Variants in SPAG1 observed in about 807,000 individuals in gnomAD.
The protein encoded by SPAG1 is sperm associated antigen 1, also known as sperm-associated antigen 1.
In SPAG1, 69 loss-of-function variants were observed where a neutral mutation model predicts 100.5. The observed-to-expected ratio is 0.69, with a 90% CI of 0.57 to 0.84. The LOEUF (loss-of-function observed/expected upper bound fraction) is 0.84. SPAG1 is among the 40% of genes least tolerant of loss of function. The probability of loss-of-function intolerance (pLI) is 0.00; values close to 1 mark genes in which losing one functional copy is unlikely to be tolerated. For missense variants in SPAG1, 955 were observed against 1,133.1 expected (o/e 0.84, Z 2.26); for synonymous variants, 336 against 411.6 (o/e 0.82, Z 2.22).
chr8:100,241,102 A>G lies in SPAG1; in HGVS notation c.*80A>G. 1.3e-6 allele frequency: 2 copies of G among 1,494,192 alleles called. No individual in the cohort carries two copies. Among genetic ancestry groups the G allele is most frequent in the Non-Finnish European group, 1.8e-6 (2 of 1,102,644 alleles). The allele number at this position is 1,494,192 out of a possible 1,614,324, so 92.6% of individuals were successfully genotyped here. A position where few individuals can be genotyped will look rare whatever the true frequency, so the allele number is the denominator to read the frequency against. On this transcript the variant is annotated 3_prime_UTR_variant, in exon 19 of 19. Coordinates refer to ENST00000388798, the MANE Select transcript of SPAG1 (RefSeq NM_003114.5). The surrounding 1 kb of genome is among the most constrained non-coding windows in gnomAD (Gnocchi z 5.1). ...TGAGATGGTATTGTAAAAGAGTTGC[A>G]TGGATAAAACTTGGCCTAGAAAAGT...
intron 4 of SPAG1, among the ~76,000 whole-genome samples, chr8:100,178,260 A>G (rs1816216442): frequency 6.6e-6 from 1 of 151,252 alleles, no homozygotes; most frequent in South Asian, 2.1e-4. Context: ...GGTCTGATTC[A>G]GTGTGTGAAA....
chr8:100,193,499 A>T (rs185411325), intron 9 of SPAG1, among the ~76,000 whole-genome samples: 2 of 152,290 alleles, frequency 1.3e-5, no homozygotes, highest in African/African-American at 4.8e-5. Flanking sequence ...CAAAACAAAC[A>T]AAAAAGCCAC....
At chr8:100,171,652 G>A (rs950048642) in intron 3 of SPAG1, among the ~76,000 whole-genome samples, 3 of 152,088 alleles carry the variant, frequency 2.0e-5, no homozygotes, top group Non-Finnish European at 4.4e-5. Context: ...AATTCAGCAA[G>A]ACCACAGGGT....
chr8:100,176,838 C>CCTCTCCT (rs1315974795), intron 3 of SPAG1, among the ~76,000 whole-genome samples: 1 of 137,378 alleles, frequency 7.3e-6, no homozygotes, highest in African/African-American at 2.6e-5. Context: ...CCTCTCCTCT[C>CCTCTCCT]CTCTTCTCTC....
In SPAG1 at chr8:100,224,215, G is replaced by T. The variant is rs555774908; in HGVS notation, c.1689-958G>T. Among the ~76,000 whole-genome samples the T allele has an allele frequency of 5.3e-5, 8 of 152,188 alleles. No individual in the cohort carries two copies. In the South Asian group the frequency reaches 1.7e-3, roughly 32 times the overall value. On this transcript the variant is annotated intron_variant, in intron 13 of 18. Coordinates refer to ENST00000388798, the MANE Select transcript of SPAG1 (RefSeq NM_003114.5). ...CATTAATAAAAAAGCCCTTGTAGTA[G>T]AATCTAGTATCTTGTATTTTCATCT...
At chr8:100,195,499 C>T (rs995805538) in intron 10 of SPAG1, among the ~76,000 whole-genome samples, 3 of 151,884 alleles carry the variant, frequency 2.0e-5, no homozygotes, top group African/African-American at 7.3e-5. Flanking sequence ...AAGAGGAAGA[C>T]AATCAGAGAG....
intron 12 of SPAG1, among the ~76,000 whole-genome samples, chr8:100,216,408 T>G (rs1817988172): frequency 6.6e-6 from 1 of 152,086 alleles, no homozygotes; most frequent in African/African-American, 2.4e-5. Flanking sequence ...TCCTCTAAGG[T>G]GATTAACATT....
At chr8:100,205,119 A>G (rs186832700) in intron 10 of SPAG1, among the ~76,000 whole-genome samples, 3 of 152,348 alleles carry the variant, frequency 2.0e-5, no homozygotes, top group Admixed American at 2.0e-4. Flanking sequence ...GAATTATAAA[A>G]ACAGAGAATC....
intron 10 of SPAG1, among the ~76,000 whole-genome samples, chr8:100,198,680 T>C (rs952177717): frequency 6.6e-6 from 1 of 152,238 alleles, no homozygotes; most frequent in Non-Finnish European, 1.5e-5. Context: ...TCAAATTCAG[T>C]GAATTTTAGT....
At chr8:100,225,519 G>C (rs1818470446) in intron 14 of SPAG1, among the ~76,000 whole-genome samples, 180 bp downstream of exon 14, 1 of 152,170 alleles carries the variant, frequency 6.6e-6, no homozygotes, top group African/African-American at 2.4e-5. Flanking sequence ...GCCCAGGCTG[G>C]AGTGCAGTGG....
chr8:100,192,166 C>A (rs1048094477), intron 9 of SPAG1, among the ~76,000 whole-genome samples: 1 of 152,042 alleles, frequency 6.6e-6, no homozygotes, highest in African/African-American at 2.4e-5. Flanking sequence ...GCTGACAAAT[C>A]AAAAATTTAG....
chr8:100,229,362 G>A (rs1204629814), intron 14 of SPAG1, among the ~76,000 whole-genome samples: 1 of 152,184 alleles, frequency 6.6e-6, no homozygotes, highest in Non-Finnish European at 1.5e-5. Context: ...GGAGCTTGCA[G>A]TGAGCTGAGA....
At chr8:100,169,984 G>GAAAAAAA (rs71274959) in intron 3 of SPAG1, among the ~76,000 whole-genome samples, 1 of 148,294 alleles carries the variant, frequency 6.7e-6, no homozygotes, top group African/African-American at 2.5e-5. Flanking sequence ...TAAGAGGCTG[G>GAAAAAAA]AAAAAAAAAA....
intron 14 of SPAG1, among the ~76,000 whole-genome samples, chr8:100,227,733 G>A (rs1818577634): frequency 6.6e-6 from 1 of 152,004 alleles, no homozygotes; most frequent in Admixed American, 6.6e-5. Flanking sequence ...TAAAGACACT[G>A]GAGGATAAAA....
intron 10 of SPAG1, among the ~76,000 whole-genome samples, chr8:100,202,480 G>A (rs1340907773): frequency 6.6e-6 from 1 of 151,544 alleles, no homozygotes; most frequent in African/African-American, 2.4e-5. Context: ...GGAGGCCGAG[G>A]CGGGCGGATC....
Position 100,191,384 on chromosome 8 carries a change from T to G in SPAG1, c.833-6T>G. The G allele has an allele frequency of 6.3e-7, 1 of 1,597,810 alleles. No homozygotes were observed. Among genetic ancestry groups the G allele is most frequent in the Non-Finnish European group, 8.5e-7 (1 of 1,170,700 alleles). On this transcript the variant is annotated splice_polypyrimidine_tract_variant and splice_region_variant and intron_variant, in intron 8 of 18. Transcript: ENST00000388798. ...AAACATAACTTTTATATTGGTAAAT[T>G]TTCAGCTCTTCTGCGTCGTGCTACT...
In SPAG1 at chr8:100,187,119, G is replaced by A; in HGVS notation, c.702-1G>A. The A allele has an allele frequency of 3.1e-6, 5 of 1,599,036 alleles. No homozygotes were observed. The highest frequency in any genetic ancestry group is 4.3e-6 in the Non-Finnish European group (5 of 1,174,230). Reference sequence around the variant, plus strand: ...GTTGCCAGTAACTGTTTCTTTTCTAGGAGCATATCAGCGCTTCCCACTGTA... The same window carrying A: ...GTTGCCAGTAACTGTTTCTTTTCTAAGAGCATATCAGCGCTTCCCACTGTA... On this transcript the variant is annotated splice_acceptor_variant, in intron 7 of 18. Coordinates refer to ENST00000388798, the MANE Select transcript of SPAG1 (RefSeq NM_003114.5). LOFTEE classifies it high-confidence loss of function.
chr8:100,196,864 A>T (rs746558826), intron 10 of SPAG1, among the ~76,000 whole-genome samples: 1 of 151,674 alleles, frequency 6.6e-6, no homozygotes, highest in Non-Finnish European at 1.5e-5. Context: ...CACTACAGCT[A>T]TGATCACTCT....
Position 100,225,635 on chromosome 8 carries a change from G to T in SPAG1, c.1855+296G>T, listed in dbSNP as rs573672383. The stretch of plus-strand genomic sequence containing the variant: ...CACCACACCTGGCTAATTTTAGTGG[G>T]TTTTTTTTTGTTTGTCTTTAGTAGA... On this transcript the variant is annotated intron_variant, in intron 14 of 18. Transcript: ENST00000388798. 1.8e-3 allele frequency among the ~76,000 whole-genome samples: 263 copies of T among 150,092 alleles called. 3 individuals carry two copies. In the South Asian group the frequency reaches 0.025, roughly 14 times the overall value.
Sources: allele counts gnomAD v4.1 joint callset (sites outside exome capture counted in the v4.1 genomes callset), GRCh38; gene constraint gnomAD v4.1.1; non-coding constraint Gnocchi (gnomAD v3.1); transcripts MANE v1.5; gene names NCBI Gene and HGNC (gene_info 2026-07-23, HGNC 2026-07-21).